The following PRPSAP1 variants were observed in gnomAD, a reference collection of about 807,000 sequenced individuals.
The protein encoded by PRPSAP1 is phosphoribosyl pyrophosphate synthetase associated protein 1.
Under a neutral mutation model 39.4 loss-of-function variants are expected in PRPSAP1, and 31 were observed. That is an observed-to-expected ratio of 0.79 (90% CI 0.59 to 1.06). PRPSAP1 has a LOEUF of 1.06. Among genes scored for constraint, PRPSAP1 ranks in the 50% least tolerant of loss-of-function variants. PRPSAP1 has a pLI of 0.00. For missense variants in PRPSAP1, 430 were observed against 511.6 expected, an observed-to-expected ratio of 0.84 and a Z score of 1.54; for synonymous variants, 212 against 192.6, an observed-to-expected ratio of 1.10 and a Z score of -0.83.
At position 76,310,289 on chromosome 17, in the gene PRPSAP1, G is replaced by A. The variant is rs746574498; in HGVS notation, c.*1253C>T. On this transcript the variant is annotated 3_prime_UTR_variant, in exon 10 of 10. Coordinates refer to ENST00000446526, the MANE Select transcript of PRPSAP1 (RefSeq NM_002766.3). ...TGGGATTACAGGCGTGAGCCATGAT[G>A]CCTGGCCTCTTTGTAGTCTTTTTAT... 2 of 143,692 alleles carry A rather than the reference G, an allele frequency of 1.4e-5. No homozygotes were observed. The highest frequency in any genetic ancestry group is 2.8e-5 in the African/African-American group (1 of 35,896). The allele number at this position is 143,692 out of a possible 1,614,324, so 8.9% of individuals were successfully genotyped here. A position where few individuals can be genotyped will look rare whatever the true frequency, so the allele number is the denominator to read the frequency against.
chr17:76,327,911 T>G (rs184237816), intron 7 of PRPSAP1, among the ~76,000 whole-genome samples: 4 of 152,242 alleles, frequency 2.6e-5, no homozygotes, highest in Admixed American at 6.5e-5. Flanking sequence ...ATGGGGCTCA[T>G]GTCTGTAATC....
chr17:76,320,281 GA>G (rs758750211), intron 7 of PRPSAP1, among the ~76,000 whole-genome samples: 60,231 of 103,256 alleles, frequency 0.58, 16,934 homozygotes, highest in Non-Finnish European at 0.65. Flanking sequence ...AAGAAAGAAA[GA>G]AAAGAAAGAA....
intron 3 of PRPSAP1, among the ~76,000 whole-genome samples, chr17:76,338,026 T>C (rs1368262512): frequency 6.6e-6 from 1 of 152,212 alleles, no homozygotes; most frequent in Non-Finnish European, 1.5e-5. Context: ...GTTCCATTGC[T>C]TGGTATATCT....
At chr17:76,322,265 G>A (rs1319544131) in intron 7 of PRPSAP1, among the ~76,000 whole-genome samples, 1 of 152,052 alleles carries the variant, frequency 6.6e-6, no homozygotes, top group South Asian at 2.1e-4. Flanking sequence ...GCGTGGTGGT[G>A]TACGCCTGTA....
chr17:76,326,878 A>G (rs944581898), intron 7 of PRPSAP1, among the ~76,000 whole-genome samples: 2 of 152,014 alleles, frequency 1.3e-5, no homozygotes, highest in Admixed American at 1.3e-4. Flanking sequence ...ATATACACGA[A>G]GGTATTTAGG....
chr17:76,348,208 C>G (rs2071531072), intron 2 of PRPSAP1, among the ~76,000 whole-genome samples: 1 of 149,938 alleles, frequency 6.7e-6, no homozygotes, highest in Admixed American at 6.6e-5. Flanking sequence ...GCACAGTGGT[C>G]ATGCCTGTAA....
intron 2 of PRPSAP1, 103 bp from the exon 3 acceptor site, chr17:76,344,840 C>T: frequency 1.3e-6 from 1 of 781,930 alleles, no homozygotes; most frequent in Non-Finnish European, 2.1e-6. Flanking sequence ...TGGCACATGC[C>T]TGTAATCCTA....
intron 7 of PRPSAP1, among the ~76,000 whole-genome samples, chr17:76,325,060 G>A (rs1172686631): frequency 3.2e-5 from 4 of 124,998 alleles, no homozygotes; most frequent in Non-Finnish European, 3.4e-5. Flanking sequence ...AGAGAGACTC[G>A]TCTCAAAACA....
At chr17:76,353,433 G>A (rs918348296) in intron 1 of PRPSAP1, 101 bp downstream of exon 1, 2 of 1,180,190 alleles carry the variant, frequency 1.7e-6, no homozygotes, top group Non-Finnish European at 1.1e-6. Context: ...TCCCGCCCCA[G>A]GTGCAGGAGG....
intron 2 of PRPSAP1, among the ~76,000 whole-genome samples, chr17:76,345,527 G>A (rs2071490881): frequency 6.6e-6 from 1 of 150,716 alleles, no homozygotes; most frequent in Admixed American, 6.7e-5. Context: ...AGGATCACCT[G>A]AGCCAGGGAA....
intron 3 of PRPSAP1, among the ~76,000 whole-genome samples, chr17:76,336,622 C>T (rs1021737259): frequency 2.0e-5 from 3 of 148,930 alleles, no homozygotes; most frequent in Admixed American, 1.4e-4. Context: ...ATCCCAGTTA[C>T]TCAGGAGGCT....
Position 76,330,584 on chromosome 17 carries a change from G to A in PRPSAP1, c.546C>T (p.Ala182=), listed in dbSNP as rs201141878. 129 of 1,611,804 alleles carry A rather than the reference G, an allele frequency of 8.0e-5. No homozygotes were observed. In the East Asian group the frequency reaches 2.5e-3, roughly 31 times the overall value. ...GGATATACTGAAGCAGGAAAGGTGA[G>A]GCTCTAAGGTTGTCCACAGGAAAGC... ...FFSFPVDNLR[A]SPFLLQYIQE... Residue 182 remains alanine, a synonymous_variant, in exon 5 of 10, where the codon GCC becomes GCT. Coordinates refer to ENST00000446526, the MANE Select transcript of PRPSAP1 (RefSeq NM_002766.3).
chr17:76,314,242 G>A (rs954836418), intron 7 of PRPSAP1: 20 of 232,622 alleles, frequency 8.6e-5, no homozygotes, highest in African/African-American at 6.4e-4. Context: ...TTTTTGAGAC[G>A]GAGTTTTGCT....
chr17:76,319,748 T>C (rs960529152), intron 7 of PRPSAP1, among the ~76,000 whole-genome samples: 60 of 152,108 alleles, frequency 3.9e-4, no homozygotes, highest in African/African-American at 1.3e-3. Flanking sequence ...CCACCGTGCC[T>C]GGCCTGACTG....
chr17:76,326,840 G>A (rs920322788), intron 7 of PRPSAP1, among the ~76,000 whole-genome samples: 1 of 151,836 alleles, frequency 6.6e-6, no homozygotes, highest in African/African-American at 2.4e-5. Flanking sequence ...TGATACTCTG[G>A]TTATATAAGA....
At chr17:76,328,935 C>A (rs1287327780) in intron 6 of PRPSAP1, 73 bp from the exon 7 acceptor site, 11 of 1,469,762 alleles carry the variant, frequency 7.5e-6, no homozygotes, top group African/African-American at 1.4e-5. Flanking sequence ...CATTTTTTAA[C>A]CATAAAATGA....
At chr17:76,319,669 G>A (rs6501885) in intron 7 of PRPSAP1, among the ~76,000 whole-genome samples, 25,179 of 151,608 alleles carry the variant, frequency 0.17, 2,367 homozygotes, top group African/African-American at 0.27. Context: ...GGGTTTCACC[G>A]TGTTGGCCAG....
rs60794745 is a variant in PRPSAP1, at chr17:76,311,371, C to T, written c.*171G>A. The stretch of plus-strand genomic sequence containing the variant: ...ATGTTATGATATTTATCCATTAGCT[C>T]TGTCTTCTTCCTGACTCTTTTAATC... On this transcript the variant is annotated 3_prime_UTR_variant, in exon 10 of 10. Coordinates refer to ENST00000446526, the MANE Select transcript of PRPSAP1 (RefSeq NM_002766.3). 2 of 644,682 alleles carry T rather than the reference C, an allele frequency of 3.1e-6. No homozygotes were observed. The highest frequency in any genetic ancestry group is 5.0e-6 in the Non-Finnish European group (2 of 398,868). The allele number at this position is 644,682 out of a possible 1,614,324, so 39.9% of individuals were successfully genotyped here. A position where few individuals can be genotyped will look rare whatever the true frequency, so the allele number is the denominator to read the frequency against.
intron 7 of PRPSAP1, among the ~76,000 whole-genome samples, chr17:76,323,613 A>C (rs2071221700): frequency 6.6e-6 from 1 of 152,156 alleles, no homozygotes. Context: ...AAAGAACTAG[A>C]ATTAGAACTG....
Sources: allele counts gnomAD v4.1 joint callset (sites outside exome capture counted in the v4.1 genomes callset), GRCh38; gene constraint gnomAD v4.1.1; transcripts MANE v1.5; gene names NCBI Gene and HGNC (gene_info 2026-07-23, HGNC 2026-07-21).